Variants in GALNT18 observed in about 807,000 individuals in gnomAD.
GALNT18 encodes GalNAc-transferase 18.
Under a neutral mutation model 69.5 loss-of-function variants are expected in GALNT18, and 44 were observed. The ratio of observed to expected loss-of-function variants is 0.63; its 90% CI spans 0.50 to 0.81. The LOEUF (loss-of-function observed/expected upper bound fraction) is 0.81. Among genes scored for constraint, GALNT18 ranks in the 40% least tolerant of loss-of-function variants. GALNT18 has a pLI of 0.00. For synonymous variants in GALNT18, 364 were observed against 318.2 expected (o/e 1.14, Z -1.53); for missense variants, 715 against 810.0 (o/e 0.88, Z 1.42).
chr11:11,543,600 A>G lies in GALNT18; in HGVS notation c.235+77759T>C, dbSNP rs760005282. On this transcript the variant is annotated intron_variant, in intron 1 of 10. Transcript: ENST00000227756. The surrounding 1 kb of genome is among the most constrained non-coding windows in gnomAD (Gnocchi z 5.1). ...GTGGGGAAGGGCAGGGCTGCATGGA[A>G]CGGCAGAAAGGGCCTGGCTTCAGTG... Among the ~76,000 whole-genome samples the G allele has an allele frequency of 2.0e-5, 3 of 152,182 alleles. No homozygotes were observed. Among genetic ancestry groups the G allele is most frequent in the Non-Finnish European group, 4.4e-5 (3 of 68,038 alleles).
At chr11:11,453,945 G>C (rs35408010) in intron 1 of GALNT18, among the ~76,000 whole-genome samples, 1 of 152,204 alleles carries the variant, frequency 6.6e-6, no homozygotes, top group African/African-American at 2.4e-5. Flanking sequence ...TCCCTGACTG[G>C]AACGTGGCTC....
In GALNT18 at chr11:11,540,082, C is replaced by T. The variant is rs2133953770; in HGVS notation, c.235+81277G>A. Among the ~76,000 whole-genome samples, 1 of 152,338 alleles carries T rather than the reference C, an allele frequency of 6.6e-6. No homozygotes were observed. The highest frequency in any genetic ancestry group is 2.1e-4 in the South Asian group (1 of 4,820). On this transcript the variant is annotated intron_variant, in intron 1 of 10. Transcript: ENST00000227756. This position sits in a 1 kb window ranked among gnomAD's most constrained non-coding sequence, Gnocchi z 4.6. ...TGGGCTGGCACCCCAGCCCCACCCA[C>T]CACCATCTCTCTGGGCCTCGGTTTC...
intron 3 of GALNT18, among the ~76,000 whole-genome samples, chr11:11,427,372 G>GC (rs1420795623): frequency 6.6e-6 from 1 of 152,148 alleles, no homozygotes; most frequent in Non-Finnish European, 1.5e-5. Context: ...GGAAGCACAG[G>GC]CCTGACCCAA....
intron 1 of GALNT18, among the ~76,000 whole-genome samples, chr11:11,488,267 C>T (rs747393304): frequency 9.2e-5 from 14 of 152,308 alleles, no homozygotes; most frequent in Admixed American, 3.3e-4. Flanking sequence ...CAGGCTCTCG[C>T]GGAGAATCCA....
At position 11,494,977 on chromosome 11, in the gene GALNT18, C is replaced by T. The variant is rs1856842472; in HGVS notation, c.236-46041G>A. On this transcript the variant is annotated intron_variant, in intron 1 of 10. Coordinates refer to ENST00000227756, the MANE Select transcript of GALNT18 (RefSeq NM_198516.3). This position sits in a 1 kb window ranked among gnomAD's most constrained non-coding sequence, Gnocchi z 5.7. ...TGAGCATATAAATGTAGAAGCCCAGCATGAATCTTCAAGAGCATCCTGGTT... is the reference window on the plus strand; with the variant it reads ...TGAGCATATAAATGTAGAAGCCCAGTATGAATCTTCAAGAGCATCCTGGTT... Among the ~76,000 whole-genome samples the T allele has an allele frequency of 6.6e-6, 1 of 151,086 alleles. No individual in the cohort carries two copies. Among genetic ancestry groups the T allele is most frequent in the Non-Finnish European group, 1.5e-5 (1 of 67,944 alleles).
intron 3 of GALNT18, among the ~76,000 whole-genome samples, chr11:11,390,614 G>A (rs528143746): frequency 3.3e-5 from 5 of 152,294 alleles, no homozygotes; most frequent in South Asian, 4.2e-4. Flanking sequence ...CAGGAGACCC[G>A]GAGGGCTTCA....
rs1401977336 is a variant in GALNT18, at chr11:11,596,877, A to G, written c.235+24482T>C. On this transcript the variant is annotated intron_variant, in intron 1 of 10. Coordinates refer to ENST00000227756, the MANE Select transcript of GALNT18 (RefSeq NM_198516.3). This position sits in a 1 kb window ranked among gnomAD's most constrained non-coding sequence, Gnocchi z 4.2. ...CAGATATGCTTCTGTTGTTCCTGATACTGAATGATCTTAATGGTCATTCAG... is the reference window on the plus strand; with the variant it reads ...CAGATATGCTTCTGTTGTTCCTGATGCTGAATGATCTTAATGGTCATTCAG... Among the ~76,000 whole-genome samples, 1 of 152,092 alleles carries G rather than the reference A, an allele frequency of 6.6e-6. No individual in the cohort carries two copies. The highest frequency in any genetic ancestry group is 1.5e-5 in the Non-Finnish European group (1 of 67,994).
intron 3 of GALNT18, among the ~76,000 whole-genome samples, chr11:11,406,597 C>T (rs1854593408): frequency 6.6e-6 from 1 of 152,138 alleles, no homozygotes; most frequent in South Asian, 2.1e-4. Context: ...GTTGCCATTG[C>T]AGTACAATAA....
chr11:11,378,945 C>G, intron 4 of GALNT18, 136 bp downstream of exon 4: 1 of 845,790 alleles, frequency 1.2e-6, no homozygotes, highest in Non-Finnish European at 1.8e-6. Flanking sequence ...CTCACTCACA[C>G]ACCTACATCT....
intron 3 of GALNT18, among the ~76,000 whole-genome samples, chr11:11,380,424 T>A (rs934865538): frequency 6.6e-6 from 1 of 152,234 alleles, no homozygotes; most frequent in Admixed American, 6.5e-5. Context: ...ATTAAGTTAG[T>A]TTTTCTTGAA....
intron 3 of GALNT18, among the ~76,000 whole-genome samples, chr11:11,408,198 C>G (rs1398195972): frequency 1.3e-5 from 2 of 151,940 alleles, no homozygotes; most frequent in African/African-American, 4.8e-5. Flanking sequence ...AACTCCATTT[C>G]TACTAATAAA....
At chr11:11,513,079 A>C (rs1258855646) in intron 1 of GALNT18, among the ~76,000 whole-genome samples, 2 of 152,200 alleles carry the variant, frequency 1.3e-5, no homozygotes, top group Non-Finnish European at 2.9e-5. Context: ...TGGACCACAG[A>C]AATACATCTA....
At chr11:11,273,308 G>A (rs1351243973) in intron 10 of GALNT18, among the ~76,000 whole-genome samples, 2 of 152,128 alleles carry the variant, frequency 1.3e-5, no homozygotes, top group East Asian at 3.9e-4. Flanking sequence ...CCTCTGACAA[G>A]GGATTAATAA....
rs1004742506 is a variant in GALNT18, at chr11:11,396,777, G to C, written c.596-17513C>G. The stretch of plus-strand genomic sequence containing the variant: ...GATGCTCTGACCAGATGGAGGGAGA[G>C]AGAGGCTGTATTTCTGGCCCGCACT... On this transcript the variant is annotated intron_variant, in intron 3 of 10. Coordinates refer to ENST00000227756, the MANE Select transcript of GALNT18 (RefSeq NM_198516.3). The surrounding 1 kb of genome is among the most constrained non-coding windows in gnomAD (Gnocchi z 5.2). Among the ~76,000 whole-genome samples the C allele has an allele frequency of 6.6e-6, 1 of 152,172 alleles. No individual in the cohort carries two copies. The highest frequency in any genetic ancestry group is 2.4e-5 in the African/African-American group (1 of 41,434).
chr11:11,608,748 C>G (rs192665374), intron 1 of GALNT18, among the ~76,000 whole-genome samples: 2 of 152,338 alleles, frequency 1.3e-5, no homozygotes, highest in Non-Finnish European at 2.9e-5. Context: ...AATAGCAGCA[C>G]TGATTCTCAT....
At position 11,332,248 on chromosome 11, in the gene GALNT18, G is replaced by A. The variant is rs1177031301; in HGVS notation, c.1416+446C>T. ...AATACAGCAAATAAAATAAATTCAA[G>A]ATGGCTCTGTCTCTAGAACTCTTCT... On this transcript the variant is annotated intron_variant, in intron 8 of 10. Coordinates refer to ENST00000227756, the MANE Select transcript of GALNT18 (RefSeq NM_198516.3). This position sits in a 1 kb window ranked among gnomAD's most constrained non-coding sequence, Gnocchi z 4.3. Among the ~76,000 whole-genome samples the A allele has an allele frequency of 6.6e-6, 1 of 152,130 alleles. No individual in the cohort carries two copies. The highest frequency in any genetic ancestry group is 1.5e-5 in the Non-Finnish European group (1 of 68,022).
In GALNT18 at chr11:11,309,615, G is replaced by A. The variant is rs1414853390; in HGVS notation, c.1513-16422C>T. On this transcript the variant is annotated intron_variant, in intron 9 of 10. Coordinates refer to ENST00000227756, the MANE Select transcript of GALNT18 (RefSeq NM_198516.3). The surrounding 1 kb of genome is among the most constrained non-coding windows in gnomAD (Gnocchi z 4.6). The stretch of plus-strand genomic sequence containing the variant: ...TTCCCTGGAGGCTAGCACCACCAGA[G>A]AAAATTCATGGAACTGGGTAAATTA... Among the ~76,000 whole-genome samples the A allele has an allele frequency of 6.6e-6, 1 of 152,098 alleles. No individual in the cohort carries two copies. The highest frequency in any genetic ancestry group is 2.4e-5 in the African/African-American group (1 of 41,412).
At chr11:11,568,452 A>C (rs1049167465) in intron 1 of GALNT18, among the ~76,000 whole-genome samples, 14 of 152,260 alleles carry the variant, frequency 9.2e-5, no homozygotes, top group African/African-American at 3.1e-4. Flanking sequence ...TAAGAAGTGA[A>C]TCTTCCCGGC....
chr11:11,281,767 G>A (rs1458203962), intron 10 of GALNT18, among the ~76,000 whole-genome samples: 1 of 152,112 alleles, frequency 6.6e-6, no homozygotes, highest in African/African-American at 2.4e-5. Flanking sequence ...CCTGGGCATT[G>A]GCTGCCTGAA....
Sources: allele counts gnomAD v4.1 joint callset (sites outside exome capture counted in the v4.1 genomes callset), GRCh38; gene constraint gnomAD v4.1.1; non-coding constraint Gnocchi (gnomAD v3.1); transcripts MANE v1.5; gene names NCBI Gene and HGNC (gene_info 2026-07-23, HGNC 2026-07-21).